The following PDZD8 variants were observed in gnomAD, a reference collection of about 807,000 sequenced individuals.
PDZD8 encodes the protein PDZ domain containing 8, also known as PDZ domain-containing protein 8.
PDZD8 carries 14 observed loss-of-function variants against 85.8 expected under a neutral mutation model. That is an observed-to-expected ratio of 0.16 (90% CI 0.11 to 0.26). PDZD8 has a LOEUF of 0.26. PDZD8 is among the 10% of genes least tolerant of loss of function. The pLI is 1.00. For missense variants in PDZD8, 1,197 were observed against 1,424.3 expected (o/e 0.84, Z 2.57); for synonymous variants, 592 against 568.6 (o/e 1.04, Z -0.59).
rs764996571 is a variant in PDZD8 at position 117,283,376 on chromosome 10, G to A, written c.3357C>T (p.Tyr1119=). ...LDQHSKKISK[Y]TDDTEEDLDN... is the part of the protein sequence containing the mutation. ...CAAGGTCTTCTTCTGTATCATCTGT[G>A]TACTTGCTTATTTTTTTGGAGTGCT... is the stretch of plus-strand genomic sequence containing the variant. The change falls in exon 5 of 5, where the codon TAC becomes TAT. Residue 1119 remains tyrosine, a synonymous_variant. Transcript: ENST00000334464. 3 of 1,614,044 alleles carry A rather than the reference G, an allele frequency of 1.9e-6. No homozygotes were observed.
chr10:117,354,892 A>C (rs1194906638), intron 1 of PDZD8, among the ~76,000 whole-genome samples: 1 of 152,208 alleles, frequency 6.6e-6, no homozygotes, highest in Non-Finnish European at 1.5e-5. Flanking sequence ...TACTCCTTCA[A>C]ATAATGAGTT....
At chr10:117,370,395 A>C (rs576329856) in intron 1 of PDZD8, among the ~76,000 whole-genome samples, 31 of 152,326 alleles carry the variant, frequency 2.0e-4, no homozygotes, top group Non-Finnish European at 3.8e-4. Flanking sequence ...AGCAACACGA[A>C]AAAGGCAAAA....
At chr10:117,326,663 C>T (rs1844322357) in intron 2 of PDZD8, among the ~76,000 whole-genome samples, 1 of 152,282 alleles carries the variant, frequency 6.6e-6, no homozygotes, top group South Asian at 2.1e-4. Flanking sequence ...ATCTCTAATA[C>T]AACTGTTTGT....
intron 3 of PDZD8, among the ~76,000 whole-genome samples, chr10:117,311,100 C>A (rs963370590): frequency 6.6e-6 from 1 of 152,078 alleles, no homozygotes; most frequent in Non-Finnish European, 1.5e-5. Flanking sequence ...TAGATTATAC[C>A]TAGTCATTTT....
chr10:117,331,330 A>T (rs1844418516), intron 2 of PDZD8, among the ~76,000 whole-genome samples: 1 of 152,216 alleles, frequency 6.6e-6, no homozygotes, highest in South Asian at 2.1e-4. Context: ...TTTCACAATT[A>T]CTCAAGGAAA....
Position 117,318,909 on chromosome 10 carries a change from C to T in PDZD8, c.1061G>A (p.Ser354Asn), listed in dbSNP as rs1276202753. Residue 354 changes from serine to asparagine, a missense_variant, in exon 3 of 5, where the codon AGT becomes AAT. Physicochemically the swap from Ser to Asn is conservative, Grantham distance 46. Coordinates refer to ENST00000334464, the MANE Select transcript of PDZD8 (RefSeq NM_173791.5). ...NVHCTLELSS[S>N]VWEEKQRSSI... ...ACTCCTCTGTTTTTCTTCCCAAACACTACTGCTTAACTCAAGTGTGCAATG... is the reference window on the plus strand; with the variant it reads ...ACTCCTCTGTTTTTCTTCCCAAACATTACTGCTTAACTCAAGTGTGCAATG... 36 of 1,611,858 alleles carry T rather than the reference C, an allele frequency of 2.2e-5. No homozygotes were observed. Among genetic ancestry groups the T allele is most frequent in the Non-Finnish European group, 3.1e-5 (36 of 1,178,438 alleles).
intron 1 of PDZD8, among the ~76,000 whole-genome samples, chr10:117,357,095 C>T (rs1322854516): frequency 6.6e-6 from 1 of 152,144 alleles, no homozygotes; most frequent in African/African-American, 2.4e-5. Context: ...TGTTAAACTG[C>T]TATTTAGAAA....
At chr10:117,332,620 C>T (rs960812561) in intron 2 of PDZD8, among the ~76,000 whole-genome samples, 2 of 150,354 alleles carry the variant, frequency 1.3e-5, no homozygotes, top group African/African-American at 4.9e-5. Context: ...GATTATCTTG[C>T]CTCAGCCTCC....
intron 1 of PDZD8, among the ~76,000 whole-genome samples, chr10:117,351,217 A>G (rs1431436604): frequency 6.6e-6 from 1 of 152,160 alleles, no homozygotes; most frequent in Admixed American, 6.5e-5. Context: ...GTTCACCAAA[A>G]GGCATATATA....
chr10:117,346,054 A>C (rs570433210), intron 1 of PDZD8, among the ~76,000 whole-genome samples: 1 of 152,150 alleles, frequency 6.6e-6, no homozygotes, highest in East Asian at 1.9e-4. Context: ...CAGCCTGACC[A>C]ATATGATGAA....
Position 117,283,257 on chromosome 10 carries a change from A to G in PDZD8, c.*11T>C. 6.3e-7 allele frequency: 1 copy of G among 1,590,808 alleles called. No individual in the cohort carries two copies. The highest frequency in any genetic ancestry group is 1.2e-5 in the South Asian group (1 of 86,702). On this transcript the variant is annotated 3_prime_UTR_variant, in exon 5 of 5. Coordinates refer to ENST00000334464, the MANE Select transcript of PDZD8 (RefSeq NM_173791.5). ...ACCCTGTTCATTTGAAAGCTTAAAT[A>G]GACCTGTCTGCTACACAGACTCGGA... is the stretch of plus-strand genomic sequence containing the variant.
At chr10:117,355,968 T>A (rs539863230) in intron 1 of PDZD8, among the ~76,000 whole-genome samples, 39 of 152,296 alleles carry the variant, frequency 2.6e-4, no homozygotes, top group African/African-American at 8.9e-4. Flanking sequence ...TTAAGGTATA[T>A]CATGTTCTAT....
intron 1 of PDZD8, among the ~76,000 whole-genome samples, chr10:117,361,068 T>G (rs757855162): frequency 2.0e-5 from 3 of 152,220 alleles, no homozygotes; most frequent in Non-Finnish European, 4.4e-5. Context: ...ATATTTAATT[T>G]CTGTAAAATT....
At chr10:117,338,111 A>G (rs932614115) in intron 2 of PDZD8, among the ~76,000 whole-genome samples, 4 of 151,688 alleles carry the variant, frequency 2.6e-5, no homozygotes, top group African/African-American at 9.7e-5. Flanking sequence ...ATCTACCTGA[A>G]CAGAGTTTTC....
At chr10:117,356,669 T>C (rs1426387471) in intron 1 of PDZD8, among the ~76,000 whole-genome samples, 1 of 152,230 alleles carries the variant, frequency 6.6e-6, no homozygotes, top group African/African-American at 2.4e-5. Context: ...GAGAATAATA[T>C]GTACTTTACT....
At chr10:117,352,386 T>C (rs1844820137) in intron 1 of PDZD8, among the ~76,000 whole-genome samples, 1 of 152,206 alleles carries the variant, frequency 6.6e-6, no homozygotes. Flanking sequence ...AAAAAGGACA[T>C]GGCTTTCTCA....
chr10:117,352,975 G>A (rs374142909), intron 1 of PDZD8, among the ~76,000 whole-genome samples: 1 of 152,224 alleles, frequency 6.6e-6, no homozygotes. Flanking sequence ...CCTCCTGTGC[G>A]CCAAATTGCT....
At chr10:117,327,668 A>G (rs1246270183) in intron 2 of PDZD8, among the ~76,000 whole-genome samples, 1 of 152,216 alleles carries the variant, frequency 6.6e-6, no homozygotes, top group Non-Finnish European at 1.5e-5. Flanking sequence ...ATAAAAGCCA[A>G]TTCAATCTAT....
At chr10:117,307,972 G>C (rs529410170) in intron 3 of PDZD8, among the ~76,000 whole-genome samples, 2 of 152,194 alleles carry the variant, frequency 1.3e-5, no homozygotes, top group East Asian at 3.9e-4. Flanking sequence ...GGTGAAACTA[G>C]AGATGTCAAA....
Sources: gnomAD v4.1 joint callset for allele counts (sites outside exome capture counted in the v4.1 genomes callset) on GRCh38, gnomAD v4.1.1 for gene constraint, MANE v1.5 for transcripts, NCBI Gene and HGNC (gene_info 2026-07-23, HGNC 2026-07-21) for gene names.